The following ZNF532 variants were observed in gnomAD, a reference collection of about 807,000 sequenced individuals.
ZNF532 encodes the protein zinc finger protein 532.
ZNF532 carries 22 observed loss-of-function variants against 89.3 expected under a neutral mutation model. The observed-to-expected ratio is 0.25, with a 90% CI of 0.18 to 0.35. ZNF532 has a LOEUF of 0.35. Ranked by LOEUF, ZNF532 falls within the 10% of genes least tolerant of loss-of-function variation. The pLI is 1.00. For missense variants in ZNF532, 1,132 were observed against 1,643.4 expected (o/e 0.69, Z 5.38); for synonymous variants, 606 against 649.6 (o/e 0.93, Z 1.02).
intron 7 of ZNF532, among the ~76,000 whole-genome samples, chr18:58,975,900 C>A (rs932671594): frequency 6.6e-6 from 1 of 152,184 alleles, no homozygotes; most frequent in African/African-American, 2.4e-5. Context: ...CTCTCAATCT[C>A]AGCTTATAGT....
At chr18:58,914,877 A>C (rs775989292) in intron 2 of ZNF532, among the ~76,000 whole-genome samples, 6 of 152,208 alleles carry the variant, frequency 3.9e-5, no homozygotes, top group Admixed American at 3.3e-4. Flanking sequence ...TTATTTTTGT[A>C]ATGTTTTTAA....
intron 2 of ZNF532, among the ~76,000 whole-genome samples, chr18:58,889,476 T>A (rs2058728637): frequency 6.6e-6 from 1 of 152,188 alleles, no homozygotes; most frequent in Non-Finnish European, 1.5e-5. Flanking sequence ...AAAAGGATAT[T>A]TTTCCAGAAG....
chr18:58,973,069 TGTA>T (rs1204297081), intron 7 of ZNF532, among the ~76,000 whole-genome samples: 1 of 152,248 alleles, frequency 6.6e-6, no homozygotes, highest in Admixed American at 6.5e-5. Context: ...AGAGGCTTAC[TGTA>T]AGTTGGTGTT....
Position 58,920,117 on chromosome 18 carries a change from G to A in ZNF532, c.1830G>A (p.Thr610=), listed in dbSNP as rs768616946. ...GTCCTCCCGCCAATGCAGGGATCAC[G>A]TTACCGACGCGTGGGTACAAGTGCT... ...NLSPPANAGI[T]LPTRGYKCLE... is the part of the protein sequence containing the mutation. Residue 610 remains threonine, a synonymous_variant, in exon 3 of 10, where the codon ACG becomes ACA. Coordinates refer to ENST00000591808, the MANE Select transcript of ZNF532 (RefSeq NM_001375912.1). 8 of 1,613,956 alleles carry A rather than the reference G, an allele frequency of 5.0e-6. No individual in the cohort carries two copies. In the South Asian group the frequency reaches 5.5e-5, roughly 11 times the overall value.
chr18:58,898,177 G>C (rs766387551), intron 2 of ZNF532, among the ~76,000 whole-genome samples: 1 of 152,136 alleles, frequency 6.6e-6, no homozygotes, highest in Non-Finnish European at 1.5e-5. Context: ...ATTTGAGATA[G>C]TACCTGCTGA....
intron 2 of ZNF532, among the ~76,000 whole-genome samples, chr18:58,916,094 A>G (rs2060581736): frequency 6.6e-6 from 1 of 152,186 alleles, no homozygotes; most frequent in African/African-American, 2.4e-5. Flanking sequence ...TGGTGTCTTG[A>G]GTTTTCTAAT....
chr18:58,979,198 A>G lies in ZNF532; in HGVS notation c.3263+31A>G, dbSNP rs764858342. ...TCCTGGTTTCTAACGGAACGCAGTG[A>G]GAGGACTCAGGAGGAACCTCTGGAA... On this transcript the variant is annotated intron_variant, in intron 8 of 9. Coordinates refer to ENST00000591808, the MANE Select transcript of ZNF532 (RefSeq NM_001375912.1). 4.4e-6 allele frequency: 7 copies of G among 1,579,746 alleles called. No individual in the cohort carries two copies. The South Asian group carries it at 6.7e-5, about 15-fold the overall frequency.
intron 2 of ZNF532, among the ~76,000 whole-genome samples, chr18:58,889,644 A>G (rs549208626): frequency 6.6e-6 from 1 of 151,774 alleles, no homozygotes; most frequent in East Asian, 1.9e-4. Flanking sequence ...TACTAAAAAT[A>G]CAAAAATTAT....
chr18:58,906,591 T>C (rs1398249670), intron 2 of ZNF532, among the ~76,000 whole-genome samples: 1 of 152,196 alleles, frequency 6.6e-6, no homozygotes, highest in African/African-American at 2.4e-5. Context: ...TCCGGGCAGG[T>C]TGTCTTCCTC....
At chr18:58,888,868 AATATATATTAT>A (rs2058651604) in intron 2 of ZNF532, among the ~76,000 whole-genome samples, 2 of 42,238 alleles carry the variant, frequency 4.7e-5, no homozygotes, top group Non-Finnish European at 7.6e-5. Context: ...ATATATATAT[AATATATATTAT>A]ATATATATAT....
chr18:58,929,301 G>C (rs943373999), intron 3 of ZNF532, among the ~76,000 whole-genome samples: 7 of 152,154 alleles, frequency 4.6e-5, no homozygotes, highest in Non-Finnish European at 8.8e-5. Flanking sequence ...CATTTTTGGG[G>C]ATTGCTGGTT....
intron 5 of ZNF532, among the ~76,000 whole-genome samples, chr18:58,942,257 C>A (rs1022174760): frequency 3.3e-5 from 5 of 149,658 alleles, no homozygotes; most frequent in Non-Finnish European, 7.4e-5. Context: ...CTCCTGACCT[C>A]GTGATCCGCC....
intron 2 of ZNF532, among the ~76,000 whole-genome samples, chr18:58,893,667 A>AT (rs1261966456): frequency 2.0e-5 from 3 of 151,874 alleles, no homozygotes; most frequent in Non-Finnish European, 4.4e-5. Flanking sequence ...AAAAAAAAAA[A>AT]AAAAGAAAGA....
intron 7 of ZNF532, among the ~76,000 whole-genome samples, chr18:58,974,895 CTAAA>C (rs1478472768): frequency 6.6e-6 from 1 of 152,204 alleles, no homozygotes; most frequent in Non-Finnish European, 1.5e-5. Context: ...GTAGTTAAAA[CTAAA>C]TATTTTCATT....
chr18:58,888,145 C>T (rs1208597104), intron 2 of ZNF532, among the ~76,000 whole-genome samples: 1 of 151,570 alleles, frequency 6.6e-6, no homozygotes, highest in Non-Finnish European at 1.5e-5. Flanking sequence ...AAACCACAAT[C>T]ATCATGAGTA....
chr18:58,880,022 T>C (rs1430304874), intron 2 of ZNF532, among the ~76,000 whole-genome samples: 1 of 152,082 alleles, frequency 6.6e-6, no homozygotes, highest in Non-Finnish European at 1.5e-5. Context: ...AAGGGAAGGA[T>C]TGGATCCAAA....
At chr18:58,931,380 A>C (rs2061950648) in intron 3 of ZNF532, among the ~76,000 whole-genome samples, 2 of 152,058 alleles carry the variant, frequency 1.3e-5, no homozygotes, top group African/African-American at 4.8e-5. Context: ...GCTCAAATAC[A>C]TCCCCCAAAC....
Position 58,971,648 on chromosome 18 carries a change from A to G in ZNF532, c.3151-7407A>G, listed in dbSNP as rs1329585266. Among the ~76,000 whole-genome samples, 4 of 152,366 alleles carry G rather than the reference A, an allele frequency of 2.6e-5. No individual in the cohort carries two copies. In the South Asian group the frequency reaches 8.3e-4, roughly 32 times the overall value. ...TATCACTTTGGTAGAGTTGAAGACT[A>G]GAGCTGGTGTGGGAAACTCCCTTGG... is the stretch of plus-strand genomic sequence containing the variant. On this transcript the variant is annotated intron_variant, in intron 7 of 9. Coordinates refer to ENST00000591808, the MANE Select transcript of ZNF532 (RefSeq NM_001375912.1).
At chr18:58,893,638 C>T (rs1299652857) in intron 2 of ZNF532, among the ~76,000 whole-genome samples, 3 of 125,452 alleles carry the variant, frequency 2.4e-5, no homozygotes, top group South Asian at 2.5e-4. Context: ...ATCTGGGCGA[C>T]AAAGCAAGAC....
Sources: gnomAD v4.1 joint callset for allele counts (sites outside exome capture counted in the v4.1 genomes callset) on GRCh38, gnomAD v4.1.1 for gene constraint, MANE v1.5 for transcripts, NCBI Gene and HGNC (gene_info 2026-07-23, HGNC 2026-07-21) for gene names.